Variants in SCRN1 observed in about 807,000 individuals in gnomAD.
SCRN1 encodes secernin-1.
Under a neutral mutation model 43.3 loss-of-function variants are expected in SCRN1, and 19 were observed. The ratio of observed to expected loss-of-function variants is 0.44; its 90% confidence interval spans 0.31 to 0.64. The LOEUF (loss-of-function observed/expected upper bound fraction) is 0.64, where lower values mean the gene tolerates loss of function less well. SCRN1 is among the 30% of genes least tolerant of loss of function. SCRN1 has a pLI of 0.09. For synonymous variants in SCRN1, 183 were observed against 188.9 expected (o/e 0.97, Z 0.26); for missense variants, 447 against 524.1 (o/e 0.85, Z 1.44).
At position 29,955,326 on chromosome 7, in the gene SCRN1, G is replaced by A. The variant is rs758770544; in HGVS notation, c.194C>T (p.Thr65Ile). 1.2e-6 allele frequency: 2 copies of A among 1,613,882 alleles called. No individual in the cohort carries two copies. Among genetic ancestry groups the A allele is most frequent in the East Asian group, 2.2e-5 (1 of 44,880 alleles). Residue 65 changes from threonine (T) to isoleucine (I), a missense_variant, in exon 3 of 8, where the codon ACC becomes ATC. Physicochemically the swap from Thr to Ile is moderately conservative, Grantham distance 89. Coordinates refer to ENST00000242059, the MANE Select transcript of SCRN1 (RefSeq NM_014766.5). ...TYISIDQVPR[T>I]YAIMISRPAW... Reference sequence around the variant, plus strand: ...GGGTCTGCTTATCATTATGGCATAGGTCCTTGGAACTTGGTCGATTGAAAT... The same window carrying A: ...GGGTCTGCTTATCATTATGGCATAGATCCTTGGAACTTGGTCGATTGAAAT...
At chr7:29,932,186 G>A (rs560314380) in intron 6 of SCRN1, among the ~76,000 whole-genome samples, 49 of 152,264 alleles carry the variant, frequency 3.2e-4, no homozygotes, top group African/African-American at 1.1e-3. Flanking sequence ...AATTCAGAAT[G>A]GAATTGGAGG....
chr7:29,988,803 T>G (rs999027262), intron 1 of SCRN1: 1 of 152,266 alleles, frequency 6.6e-6, no homozygotes, highest in Non-Finnish European at 1.5e-5. Context: ...GGTAACAGTT[T>G]CCTTCGATGT....
In SCRN1 at chr7:29,920,263, CTTTT is replaced by C. The variant is rs935733371; in HGVS notation, c.*3690_*3693del. The stretch of plus-strand genomic sequence containing the variant: ...CCACTGCAGGAAACAGAATGATTTT[CTTTT>C]TTTTTTATTATTATTCCCTGCCAAT... On this transcript the variant is annotated 3_prime_UTR_variant, in exon 8 of 8. Transcript: ENST00000242059. 2 of 149,702 alleles carry C rather than the reference CTTTT, an allele frequency of 1.3e-5. No individual in the cohort carries two copies. Among genetic ancestry groups the C allele is most frequent in the Non-Finnish European group, 3.0e-5 (2 of 67,184 alleles). 9.3% of individuals were successfully genotyped at this position (149,702 alleles called of 1,614,324 possible).
At chr7:29,967,174 AAC>A (rs142917231) in intron 2 of SCRN1, among the ~76,000 whole-genome samples, 117 of 147,990 alleles carry the variant, frequency 7.9e-4, no homozygotes, top group South Asian at 2.6e-3. Context: ...CTACCATCTA[AAC>A]ACACACACAC....
chr7:29,951,902 G>A (rs1174926098), intron 3 of SCRN1, among the ~76,000 whole-genome samples: 1 of 152,232 alleles, frequency 6.6e-6, no homozygotes, highest in Non-Finnish European at 1.5e-5. Flanking sequence ...AAAGTACCAG[G>A]ATAAGTATAG....
intron 3 of SCRN1, among the ~76,000 whole-genome samples, chr7:29,953,312 A>G (rs1424196773): frequency 6.6e-6 from 1 of 152,206 alleles, no homozygotes; most frequent in Admixed American, 6.5e-5. Context: ...GAGCTGCTTC[A>G]TGTACCCACA....
intron 1 of SCRN1, among the ~76,000 whole-genome samples, chr7:29,983,481 T>C (rs974832478): frequency 4.0e-5 from 6 of 151,886 alleles, no homozygotes; most frequent in African/African-American, 1.5e-4. Context: ...TATGGTGACA[T>C]GGCAGAAGAT....
At chr7:29,947,938 G>T (rs1787789139) in intron 3 of SCRN1, among the ~76,000 whole-genome samples, 1 of 152,198 alleles carries the variant, frequency 6.6e-6, no homozygotes, top group African/African-American at 2.4e-5. Flanking sequence ...CAGACACTGG[G>T]TCTTCCGGTG....
At position 29,989,625 on chromosome 7, in the gene SCRN1, T is replaced by C; in HGVS notation, c.-2+17A>G. 2 of 985,562 alleles carry C rather than the reference T, an allele frequency of 2.0e-6. No homozygotes were observed. Among genetic ancestry groups the C allele is most frequent in the South Asian group, 9.4e-5 (2 of 21,288 alleles). The allele number at this position is 985,562 out of a possible 1,614,324, so 61.1% of individuals were successfully genotyped here. On this transcript the variant is annotated intron_variant, in intron 1 of 7. Coordinates refer to ENST00000242059, the MANE Select transcript of SCRN1 (RefSeq NM_014766.5). Reference sequence around the variant, plus strand: ...AAGCAGCGCTGCAAACGCCCTGCGCTCCCAGACGCGGCTCACCTGGGGCGG... The same window carrying C: ...AAGCAGCGCTGCAAACGCCCTGCGCCCCCAGACGCGGCTCACCTGGGGCGG...
intron 5 of SCRN1, among the ~76,000 whole-genome samples, chr7:29,940,089 A>G (rs1787486989): frequency 2.0e-5 from 3 of 152,122 alleles, no homozygotes; most frequent in Admixed American, 2.0e-4. Flanking sequence ...TGAGTTCAGG[A>G]GGTGGAAGCT....
At chr7:29,983,155 T>C (rs1031437844) in intron 1 of SCRN1, among the ~76,000 whole-genome samples, 1 of 151,880 alleles carries the variant, frequency 6.6e-6, no homozygotes, top group African/African-American at 2.4e-5. Context: ...GTCTCTTCTT[T>C]GGTGTGAGCT....
chr7:29,928,779 T>C (rs1460972061), intron 6 of SCRN1, among the ~76,000 whole-genome samples: 1 of 152,104 alleles, frequency 6.6e-6, no homozygotes, highest in African/African-American at 2.4e-5. Context: ...CCCTTGAAAA[T>C]AGATGATTGC....
At chr7:29,971,758 T>C (rs1177402798) in intron 1 of SCRN1, among the ~76,000 whole-genome samples, 3 of 152,180 alleles carry the variant, frequency 2.0e-5, no homozygotes, top group East Asian at 1.9e-4. Context: ...AGTTACCAAA[T>C]TGCAGAGTCA....
chr7:29,953,008 G>A (rs1788002785), intron 3 of SCRN1, among the ~76,000 whole-genome samples: 1 of 152,202 alleles, frequency 6.6e-6, no homozygotes, highest in African/African-American at 2.4e-5. Context: ...TTATCACAAT[G>A]CCAAGTCTGT....
At chr7:29,990,253 G>T (rs1434818505), upstream of SCRN1, 1 of 1,551,530 alleles carries the variant, frequency 6.4e-7, no homozygotes, top group African/African-American at 1.4e-5. Flanking sequence ...TGGTAAGCCA[G>T]ACCCTGTCCC....
At chr7:29,970,847 A>G (rs1788644589) in intron 1 of SCRN1, among the ~76,000 whole-genome samples, 1 of 152,186 alleles carries the variant, frequency 6.6e-6, no homozygotes, top group Non-Finnish European at 1.5e-5. Flanking sequence ...AAAGACTTCT[A>G]TAAAGGACTC....
At chr7:29,938,036 CTT>C (rs1156512546) in intron 5 of SCRN1, among the ~76,000 whole-genome samples, 1 of 149,354 alleles carries the variant, frequency 6.7e-6, no homozygotes, top group Non-Finnish European at 1.5e-5. Flanking sequence ...CCCCTTGCAT[CTT>C]TTTTTTTTGA....
At chr7:29,986,110 C>G (rs1789143071) in intron 1 of SCRN1, among the ~76,000 whole-genome samples, 1 of 152,178 alleles carries the variant, frequency 6.6e-6, no homozygotes, top group Non-Finnish European at 1.5e-5. Flanking sequence ...GTGGCGCACG[C>G]CTGTAATCCC....
chr7:29,944,935 C>T (rs1284014432), intron 3 of SCRN1, among the ~76,000 whole-genome samples: 1 of 152,112 alleles, frequency 6.6e-6, no homozygotes, highest in Non-Finnish European at 1.5e-5. Flanking sequence ...TGGCCTTGAT[C>T]TCTATTATTC....
Sources: allele counts gnomAD v4.1 joint callset (sites outside exome capture counted in the v4.1 genomes callset), GRCh38; gene constraint gnomAD v4.1.1; transcripts MANE v1.5; gene names NCBI Gene and HGNC (gene_info 2026-07-23, HGNC 2026-07-21).